Variants in VPS13D observed in about 807,000 individuals in gnomAD.
VPS13D encodes the protein intermembrane lipid transfer protein VPS13D.
VPS13D carries 187 observed loss-of-function variants against 461.9 expected under a neutral mutation model. That is an observed-to-expected ratio of 0.40 (90% CI 0.36 to 0.46). The LOEUF (loss-of-function observed/expected upper bound fraction) is 0.46. Among genes scored for constraint, VPS13D ranks in the 20% least tolerant of loss-of-function variants. The probability of loss-of-function intolerance (pLI) is 0.60; values close to 1 mark genes in which losing one functional copy is unlikely to be tolerated. For synonymous variants in VPS13D, 1,951 were observed against 1,986.3 expected (o/e 0.98, Z 0.47); for missense variants, 4,711 against 5,364.9 (o/e 0.88, Z 3.81).
chr1:12,281,859 C>G (rs1168333503), intron 20 of VPS13D, among the ~76,000 whole-genome samples: 1 of 151,894 alleles, frequency 6.6e-6, no homozygotes, highest in African/African-American at 2.4e-5. Flanking sequence ...TTAAAAATTG[C>G]CCTTCATTAA....
At chr1:12,426,135 C>A (rs890231414) in intron 65 of VPS13D, among the ~76,000 whole-genome samples, 1 of 152,170 alleles carries the variant, frequency 6.6e-6, no homozygotes, top group Admixed American at 6.5e-5. Flanking sequence ...GATTTTTCTT[C>A]ATTCAAATAG....
At chr1:12,269,506 A>G (rs1015373288) in intron 16 of VPS13D, among the ~76,000 whole-genome samples, 2 of 152,222 alleles carry the variant, frequency 1.3e-5, no homozygotes, top group Admixed American at 1.3e-4. Flanking sequence ...TTGGCTACCC[A>G]GGATATTTTA....
At chr1:12,378,313 A>G (rs566015897) in intron 55 of VPS13D, 115 bp from the exon 56 acceptor site, 1 of 965,012 alleles carries the variant, frequency 1.0e-6, no homozygotes, top group South Asian at 3.2e-5. Context: ...GAAAACGTCT[A>G]AATAAACTTC....
intron 49 of VPS13D, among the ~76,000 whole-genome samples, chr1:12,356,921 C>T (rs1191546337): frequency 6.6e-6 from 1 of 152,172 alleles, no homozygotes; most frequent in Non-Finnish European, 1.5e-5. Flanking sequence ...CCGTCAGCCT[C>T]ATTAATCCAA....
intron 67 of VPS13D, among the ~76,000 whole-genome samples, chr1:12,490,416 G>A (rs1645861475): frequency 6.6e-6 from 1 of 152,198 alleles, no homozygotes; most frequent in Non-Finnish European, 1.5e-5. Flanking sequence ...TGTAAACAGA[G>A]GCAAACTTTA....
At chr1:12,322,038 C>G in intron 33 of VPS13D, 74 bp downstream of exon 33, 3 of 1,544,844 alleles carry the variant, frequency 1.9e-6, no homozygotes, top group South Asian at 2.4e-5. Flanking sequence ...CTTATTTGCT[C>G]TGAGCCCAAC....
intron 67 of VPS13D, among the ~76,000 whole-genome samples, chr1:12,493,737 CGA>C (rs2100530795): frequency 6.6e-6 from 1 of 152,294 alleles, no homozygotes; most frequent in African/African-American, 2.4e-5. Context: ...TGCTGGCTTA[CGA>C]GGTTTGAAAA....
At chr1:12,363,281 T>C in intron 52 of VPS13D, 34 bp downstream of exon 52, 1 of 1,605,466 alleles carries the variant, frequency 6.2e-7, no homozygotes, top group South Asian at 1.1e-5. Flanking sequence ...GACAAAAAGG[T>C]AGCCCCTGTT....
intron 12 of VPS13D, 52 bp downstream of exon 12, chr1:12,261,201 G>A: frequency 6.3e-7 from 1 of 1,593,182 alleles, no homozygotes; most frequent in East Asian, 2.2e-5. Flanking sequence ...TCTGTTATTT[G>A]TGCAACAGCT....
intron 67 of VPS13D, among the ~76,000 whole-genome samples, chr1:12,489,564 G>A (rs1012863844): frequency 6.6e-6 from 1 of 152,128 alleles, no homozygotes; most frequent in Non-Finnish European, 1.5e-5. Flanking sequence ...GAAAGCAAAG[G>A]GGAAAGGAAA....
Position 12,345,892 on chromosome 1 carries a change from G to C in VPS13D, c.9021+383G>C, listed in dbSNP as rs150241969. ...CAGCACCTTGATCCTTTTACTCTGT[G>C]TCTCCAAATCTTTCTCTGTGGCACA... is the stretch of plus-strand genomic sequence containing the variant. On this transcript the variant is annotated intron_variant, in intron 43 of 69. Coordinates refer to ENST00000620676, the MANE Select transcript of VPS13D (RefSeq NM_015378.4). Among the ~76,000 whole-genome samples the C allele has an allele frequency of 9.7e-4, 147 of 152,248 alleles. 1 individual carries two copies. Among genetic ancestry groups the C allele is most frequent in the African/African-American group, 3.1e-3 (129 of 41,542 alleles).
At chr1:12,424,247 C>G (rs1017174814) in intron 65 of VPS13D, among the ~76,000 whole-genome samples, 2 of 152,138 alleles carry the variant, frequency 1.3e-5, no homozygotes, top group African/African-American at 4.8e-5. Context: ...GATTTCTTTT[C>G]CAGTCAAGAG....
At chr1:12,339,905 A>C (rs1020293680) in intron 40 of VPS13D, among the ~76,000 whole-genome samples, 2 of 152,222 alleles carry the variant, frequency 1.3e-5, no homozygotes, top group African/African-American at 4.8e-5. Context: ...GATCAAAGCC[A>C]TCTGCCACCT....
intron 60 of VPS13D, among the ~76,000 whole-genome samples, chr1:12,390,328 T>A (rs1644408202): frequency 6.6e-6 from 1 of 152,144 alleles, no homozygotes; most frequent in Non-Finnish European, 1.5e-5. Context: ...GCTATTATCA[T>A]CTAGTTGGCA....
chr1:12,382,690 A>C (rs1644299170), intron 57 of VPS13D, among the ~76,000 whole-genome samples: 1 of 152,264 alleles, frequency 6.6e-6, no homozygotes, highest in Non-Finnish European at 1.5e-5. Flanking sequence ...TTTTAATGAC[A>C]AGAAGTTAGT....
chr1:12,311,428 T>C, intron 27 of VPS13D, 26 bp from the exon 28 acceptor site: 1 of 1,590,994 alleles, frequency 6.3e-7, no homozygotes, highest in Non-Finnish European at 8.5e-7. Flanking sequence ...CTTGTCTGTG[T>C]AAGTGATCTT....
rs761891749 is a variant in VPS13D, at chr1:12,267,936, T to G, written c.1801+16T>G. The G allele has an allele frequency of 1.3e-6, 2 of 1,588,714 alleles. No homozygotes were observed. The highest frequency in any genetic ancestry group is 1.7e-6 in the Non-Finnish European group (2 of 1,171,624). ...CATTACCCAGGTAATTTGTCCTATG[T>G]TGTTTTTTTAAAATTTTTAAATTTT... On this transcript the variant is annotated intron_variant, in intron 15 of 69. Coordinates refer to ENST00000620676, the MANE Select transcript of VPS13D (RefSeq NM_015378.4).
In VPS13D at chr1:12,407,757, G is replaced by T. The variant is rs182816392; in HGVS notation, c.12030+3784G>T. ...TCCTCGATTCAGACCAAGCACCTTAGTCATTCGGAAAGGTAATAGTGTCTA... is the reference window on the plus strand; with the variant it reads ...TCCTCGATTCAGACCAAGCACCTTATTCATTCGGAAAGGTAATAGTGTCTA... On this transcript the variant is annotated intron_variant, in intron 63 of 69. Transcript: ENST00000620676. Among the ~76,000 whole-genome samples, 3 of 152,198 alleles carry T rather than the reference G, an allele frequency of 2.0e-5. No homozygotes were observed. In the East Asian group the frequency reaches 5.8e-4, roughly 29 times the overall value.
At chr1:12,351,177 G>A (rs575463457) in intron 46 of VPS13D, among the ~76,000 whole-genome samples, 7 of 152,236 alleles carry the variant, frequency 4.6e-5, no homozygotes, top group African/African-American at 9.6e-5. Context: ...GAACAATTCC[G>A]AACTCATTTT....
Sources: allele counts gnomAD v4.1 joint callset (sites outside exome capture counted in the v4.1 genomes callset), GRCh38; gene constraint gnomAD v4.1.1; transcripts MANE v1.5; gene names NCBI Gene and HGNC (gene_info 2026-07-23, HGNC 2026-07-21).